Variants in PCDH15 observed in about 807,000 individuals in gnomAD.
The protein encoded by PCDH15 is protocadherin related 15, also known as protocadherin-15.
A neutral mutation model predicts 178.5 loss-of-function variants in PCDH15; 129 were observed. The observed-to-expected ratio is 0.72, with a 90% confidence interval of 0.63 to 0.84. PCDH15 has a LOEUF of 0.84. PCDH15 is among the 40% of genes least tolerant of loss of function. The pLI is 0.00. For missense variants in PCDH15, 2,230 were observed against 2,099.9 expected, an observed-to-expected ratio of 1.06 and a Z score of -1.21; for synonymous variants, 800 against 732.0, an observed-to-expected ratio of 1.09 and a Z score of -1.50.
chr10:55,428,988 C>T (rs562213036), intron 2 of PCDH15, among the ~76,000 whole-genome samples: 6 of 151,950 alleles, frequency 3.9e-5, no homozygotes, highest in South Asian at 4.1e-4. Context: ...GAGAACTTAC[C>T]GTAGCATTCT....
At chr10:54,983,955 C>CTA (rs1176455677) in intron 2 of PCDH15, among the ~76,000 whole-genome samples, 2 of 151,980 alleles carry the variant, frequency 1.3e-5, no homozygotes, top group Admixed American at 1.3e-4. Context: ...AGCATAAACG[C>CTA]TATATATATG....
chr10:53,909,238 C>T (rs1251485559), intron 25 of PCDH15, among the ~76,000 whole-genome samples: 1 of 152,138 alleles, frequency 6.6e-6, no homozygotes, highest in African/African-American at 2.4e-5. Flanking sequence ...GTACTTGCTT[C>T]TCTTTCCCCT....
intron 2 of PCDH15, among the ~76,000 whole-genome samples, chr10:55,353,650 G>T (rs376432947): frequency 6.6e-6 from 1 of 151,946 alleles, no homozygotes; most frequent in African/African-American, 2.4e-5. Context: ...AGTCCTGTGT[G>T]GACTCTAATA....
chr10:54,066,416 T>C (rs1048605057), intron 18 of PCDH15, among the ~76,000 whole-genome samples: 2 of 152,196 alleles, frequency 1.3e-5, no homozygotes, highest in African/African-American at 2.4e-5. Context: ...TCTAAATATA[T>C]ATATTTTGAG....
chr10:54,538,288 G>A (rs553767770), intron 2 of PCDH15, among the ~76,000 whole-genome samples: 2 of 152,216 alleles, frequency 1.3e-5, no homozygotes, highest in South Asian at 2.1e-4. Flanking sequence ...GTTAATTTTT[G>A]TAGATAGTGA....
intron 2 of PCDH15, among the ~76,000 whole-genome samples, chr10:54,965,697 A>G (rs766900847): frequency 3.4e-5 from 5 of 148,794 alleles, no homozygotes; most frequent in Non-Finnish European, 5.9e-5. Context: ...ATTTTTTTTC[A>G]TAAGAAAACC....
chr10:54,843,422 C>A (rs1317095524), intron 3 of PCDH15, among the ~76,000 whole-genome samples: 1 of 151,946 alleles, frequency 6.6e-6, no homozygotes, highest in African/African-American at 2.4e-5. Flanking sequence ...CCAAGAAATG[C>A]ATTTATAATT....
At chr10:53,981,099 C>T (rs1045759772) in intron 21 of PCDH15, among the ~76,000 whole-genome samples, 1 of 151,986 alleles carries the variant, frequency 6.6e-6, no homozygotes, top group Admixed American at 6.6e-5. Flanking sequence ...GTGATGCTCA[C>T]ATTAGATTTT....
At chr10:54,144,270 G>C (rs1450932782) in intron 14 of PCDH15, among the ~76,000 whole-genome samples, 5 of 151,996 alleles carry the variant, frequency 3.3e-5, no homozygotes, top group Non-Finnish European at 1.5e-5. Flanking sequence ...AATAGAAAGG[G>C]GGGACTGAAA....
upstream of PCDH15, chr10:54,801,341 CACA>C (rs1191754123): frequency 6.6e-6 from 1 of 152,226 alleles, no homozygotes; most frequent in East Asian, 1.9e-4. Context: ...CTTCTCGCAG[CACA>C]TACAGGAGAC....
At chr10:54,765,336 C>T (rs1948377523) in intron 1 of PCDH15, among the ~76,000 whole-genome samples, 1 of 152,046 alleles carries the variant, frequency 6.6e-6, no homozygotes, top group African/African-American at 2.4e-5. Flanking sequence ...GAATAAATTA[C>T]ATGCGCTATA....
intron 2 of PCDH15, among the ~76,000 whole-genome samples, chr10:55,606,938 A>G (rs2132153955): frequency 6.7e-6 from 1 of 149,422 alleles, no homozygotes; most frequent in African/African-American, 2.5e-5. Flanking sequence ...AGCAAAAGAA[A>G]CTACCATCAG....
At chr10:55,202,926 G>A (rs746192860) in intron 1 of PCDH15, among the ~76,000 whole-genome samples, 6 of 152,176 alleles carry the variant, frequency 3.9e-5, no homozygotes, top group Non-Finnish European at 8.8e-5. Flanking sequence ...CTGGAACTGT[G>A]AGTCAATTAA....
At chr10:54,186,844 G>A (rs1037613568) in intron 11 of PCDH15, among the ~76,000 whole-genome samples, 2 of 151,832 alleles carry the variant, frequency 1.3e-5, no homozygotes, top group Non-Finnish European at 2.9e-5. Flanking sequence ...AATAAATTAT[G>A]TATTTTTAAA....
intron 10 of PCDH15, among the ~76,000 whole-genome samples, chr10:54,205,481 T>TGTGTGTG (rs2050698469): frequency 7.4e-6 from 1 of 135,088 alleles, no homozygotes; most frequent in Non-Finnish European, 1.6e-5. Context: ...TATATTTCCT[T>TGTGTGTG]TGTGTGTGTG....
At chr10:54,277,155 A>T (rs2058395015) in intron 8 of PCDH15, among the ~76,000 whole-genome samples, 1 of 151,584 alleles carries the variant, frequency 6.6e-6, no homozygotes, top group Non-Finnish European at 1.5e-5. Flanking sequence ...TGGAAGTGGA[A>T]GATTTAAGTT....
At chr10:54,957,757 G>A (rs891765463) in intron 2 of PCDH15, among the ~76,000 whole-genome samples, 2 of 151,640 alleles carry the variant, frequency 1.3e-5, no homozygotes, top group African/African-American at 4.8e-5. Flanking sequence ...TTAAGCTTGT[G>A]CAGTTAAAAG....
intron 2 of PCDH15, among the ~76,000 whole-genome samples, chr10:54,947,822 A>C (rs1226533254): frequency 1.3e-5 from 2 of 151,830 alleles, no homozygotes; most frequent in African/African-American, 4.8e-5. Context: ...AAATTCTATC[A>C]ATTTATTTCC....
intron 8 of PCDH15, among the ~76,000 whole-genome samples, chr10:54,284,578 A>G (rs1312321564): frequency 6.6e-6 from 1 of 152,184 alleles, no homozygotes; most frequent in African/African-American, 2.4e-5. Context: ...ATAGAACGTA[A>G]CATAAAGGTT....
Sources: allele counts gnomAD v4.1 joint callset (sites outside exome capture counted in the v4.1 genomes callset), GRCh38; gene constraint gnomAD v4.1.1; transcripts MANE v1.5; gene names NCBI Gene and HGNC (gene_info 2026-07-23, HGNC 2026-07-21).